Variants in ABAT observed in about 807,000 individuals in gnomAD.
The protein encoded by ABAT is 4-aminobutyrate aminotransferase, mitochondrial.
A neutral mutation model predicts 64.6 loss-of-function variants in ABAT; 45 were observed. The ratio of observed to expected loss-of-function variants is 0.70; its 90% CI spans 0.55 to 0.89. The LOEUF is 0.89. ABAT is among the 40% of genes least tolerant of loss of function. The pLI is 0.00. For missense variants in ABAT, 633 were observed against 658.4 expected (o/e 0.96, Z 0.42); for synonymous variants, 297 against 250.5 (o/e 1.19, Z -1.75).
At chr16:8,761,868 T>A (rs1596462829) in intron 6 of ABAT, among the ~76,000 whole-genome samples, 1 of 152,210 alleles carries the variant, frequency 6.6e-6, no homozygotes, top group African/African-American at 2.4e-5. Context: ...ACCCTGAAAC[T>A]CCACCATAAT....
rs386384172 is a variant in ABAT, at chr16:8,707,353, A to ATTTTTTTT, written c.-41-28336_-41-28329dup. ...AGGCACACACTACCATGCCAGGGTA[A>ATTTTTTTT]TTTTTTTTTTTTTTTTTAGCGGAGA... is the stretch of plus-strand genomic sequence containing the variant. On this transcript the variant is annotated intron_variant, in intron 1 of 15. Transcript: ENST00000268251. Among the ~76,000 whole-genome samples the ATTTTTTTT allele has an allele frequency of 4.4e-4, 54 of 123,936 alleles. 4 individuals carry two copies. Among genetic ancestry groups the ATTTTTTTT allele is most frequent in the African/African-American group, 1.3e-3 (39 of 30,176 alleles). 81.3% of individuals were successfully genotyped at this position (123,936 alleles called of 152,430 possible).
intron 5 of ABAT, among the ~76,000 whole-genome samples, chr16:8,752,811 C>T (rs183939719): frequency 6.6e-6 from 1 of 152,204 alleles, no homozygotes; most frequent in Non-Finnish European, 1.5e-5. Context: ...TCTAAAAGTT[C>T]TCTCTCTGGC....
At chr16:8,700,592 C>T (rs2142020694) in intron 1 of ABAT, among the ~76,000 whole-genome samples, 1 of 152,132 alleles carries the variant, frequency 6.6e-6, no homozygotes, top group East Asian at 1.9e-4. Context: ...TTTGTGAAAT[C>T]CCACAATTAA....
At chr16:8,762,204 C>T (rs977841790) in intron 6 of ABAT, among the ~76,000 whole-genome samples, 7 of 152,222 alleles carry the variant, frequency 4.6e-5, no homozygotes. Context: ...CATCTCATTA[C>T]ATTGCCAACA....
chr16:8,695,197 C>T (rs879396803), intron 1 of ABAT, among the ~76,000 whole-genome samples: 2 of 152,182 alleles, frequency 1.3e-5, no homozygotes, highest in Non-Finnish European at 2.9e-5. Flanking sequence ...CATGTCAAAG[C>T]TACGCGGTTT....
At chr16:8,679,083 C>G (rs911897248) in intron 1 of ABAT, among the ~76,000 whole-genome samples, 1 of 152,152 alleles carries the variant, frequency 6.6e-6, no homozygotes, top group Admixed American at 6.5e-5. Context: ...CTTTGGGAGG[C>G]TGAGGCGGCA....
chr16:8,775,202 A>G (rs951978125), intron 13 of ABAT, 145 bp downstream of exon 13: 1 of 1,051,986 alleles, frequency 9.5e-7, no homozygotes, highest in Non-Finnish European at 1.4e-6. Context: ...TATCAATGCA[A>G]TTAGCAGTGG....
intron 1 of ABAT, among the ~76,000 whole-genome samples, chr16:8,710,720 G>A (rs1159380757): frequency 6.9e-6 from 1 of 144,506 alleles, no homozygotes; most frequent in African/African-American, 2.5e-5. Context: ...GAGAGAGAGA[G>A]AGAGAGAGAG....
chr16:8,761,387 T>C (rs2142890637), intron 6 of ABAT, among the ~76,000 whole-genome samples: 1 of 152,334 alleles, frequency 6.6e-6, no homozygotes, highest in South Asian at 2.1e-4. Flanking sequence ...CTTCCGGCTG[T>C]GTCCCAGTCT....
chr16:8,779,080 GC>G (rs1179882802), intron 14 of ABAT, among the ~76,000 whole-genome samples: 1 of 152,218 alleles, frequency 6.6e-6, no homozygotes, highest in Non-Finnish European at 1.5e-5. Flanking sequence ...CAAGTGCCCA[GC>G]CCCAGGCTTA....
intron 6 of ABAT, among the ~76,000 whole-genome samples, chr16:8,762,811 A>G (rs1294400418): frequency 6.6e-6 from 1 of 152,142 alleles, no homozygotes; most frequent in Non-Finnish European, 1.5e-5. Context: ...AATGTTCCTT[A>G]AAGTCCCCTC....
At chr16:8,750,995 C>T (rs1393885489) in intron 5 of ABAT, among the ~76,000 whole-genome samples, 4 of 133,872 alleles carry the variant, frequency 3.0e-5, no homozygotes, top group South Asian at 2.3e-4. Flanking sequence ...GTCGACCAGG[C>T]GGGAGTGAAG....
At chr16:8,742,140 A>G (rs1965648) in intron 2 of ABAT, among the ~76,000 whole-genome samples, 151,375 of 152,314 alleles carry the variant, frequency 0.99, 75,225 homozygotes, top group Middle Eastern at 1. Flanking sequence ...GCGCCCAGTT[A>G]GCCAGTTCTC....
At chr16:8,727,367 G>A (rs559564294) in intron 1 of ABAT, among the ~76,000 whole-genome samples, 2 of 152,218 alleles carry the variant, frequency 1.3e-5, no homozygotes, top group South Asian at 4.1e-4. Flanking sequence ...TGTGCACCAG[G>A]ATCCTTAGCT....
At chr16:8,676,523 C>G (rs999766200) in intron 1 of ABAT, among the ~76,000 whole-genome samples, 1 of 152,170 alleles carries the variant, frequency 6.6e-6, no homozygotes. Context: ...CAATGCCATC[C>G]CCCAGCAGGC....
chr16:8,746,398 C>G (rs941775331), intron 3 of ABAT, among the ~76,000 whole-genome samples: 2 of 150,714 alleles, frequency 1.3e-5, no homozygotes, highest in Non-Finnish European at 2.9e-5. Context: ...ACTCAAAATA[C>G]AAAAATTAGC....
chr16:8,688,057 G>A (rs56302115), intron 1 of ABAT, among the ~76,000 whole-genome samples: 10,463 of 146,762 alleles, frequency 0.071, 514 homozygotes, highest in Admixed American at 0.14. Flanking sequence ...TCCCTGCCCC[G>A]CTATTTTACT....
In ABAT at chr16:8,694,554, T is replaced by G. The variant is rs1371127071; in HGVS notation, c.-42+19843T>G. 3.9e-5 allele frequency among the ~76,000 whole-genome samples: 6 copies of G among 151,952 alleles called. No individual in the cohort carries two copies. The South Asian group carries it at 8.3e-4, about 21-fold the overall frequency. On this transcript the variant is annotated intron_variant, in intron 1 of 15. Coordinates refer to ENST00000268251, the MANE Select transcript of ABAT (RefSeq NM_020686.6). ...CTCCATGCCTGGCTACCTTTTTTAT[T>G]TTTTGTAGAGATGGGGTCTCACTAT...
chr16:8,708,051 A>T (rs2057987808), intron 1 of ABAT, among the ~76,000 whole-genome samples: 1 of 152,188 alleles, frequency 6.6e-6, no homozygotes, highest in East Asian at 1.9e-4. Context: ...GGACTTCCTG[A>T]TATGTGATCC....
Sources: allele counts gnomAD v4.1 joint callset (sites outside exome capture counted in the v4.1 genomes callset), GRCh38; gene constraint gnomAD v4.1.1; transcripts MANE v1.5; gene names NCBI Gene and HGNC (gene_info 2026-07-23, HGNC 2026-07-21).